The following RYR3 variants were observed in gnomAD, a reference collection of about 807,000 sequenced individuals.
RYR3 encodes the protein brain ryanodine receptor-calcium release channel.
RYR3 carries 207 observed loss-of-function variants against 584.3 expected under a neutral mutation model. The observed-to-expected ratio is 0.35, with a 90% CI of 0.32 to 0.40. The LOEUF (loss-of-function observed/expected upper bound fraction) is 0.40. Among genes scored for constraint, RYR3 ranks in the 10% least tolerant of loss-of-function variants. RYR3 has a pLI of 1.00. For missense variants in RYR3, 5,616 were observed against 6,089.2 expected, an observed-to-expected ratio of 0.92 and a Z score of 2.59; for synonymous variants, 2,416 against 2,248.5, an observed-to-expected ratio of 1.07 and a Z score of -2.11.
chr15:33,651,743 C>A (rs1053757170), intron 31 of RYR3, among the ~76,000 whole-genome samples: 14 of 152,218 alleles, frequency 9.2e-5, no homozygotes, highest in African/African-American at 3.4e-4. Flanking sequence ...TCACATCAGA[C>A]TGACCCTAAG....
intron 18 of RYR3, 25 bp from the exon 19 acceptor site, chr15:33,613,158 C>T: frequency 6.3e-7 from 1 of 1,599,852 alleles, no homozygotes; most frequent in South Asian, 1.1e-5. Flanking sequence ...GTTCCACAGC[C>T]TTCTTCCTGT....
At chr15:33,672,345 G>T (rs774809463) in intron 38 of RYR3, among the ~76,000 whole-genome samples, 10 of 152,120 alleles carry the variant, frequency 6.6e-5, no homozygotes, top group Non-Finnish European at 1.3e-4. Flanking sequence ...GTCTGTCTTG[G>T]CAAAACACGC....
chr15:33,425,558 C>T (rs2044546094), intron 1 of RYR3, among the ~76,000 whole-genome samples: 2 of 152,022 alleles, frequency 1.3e-5, no homozygotes, highest in Admixed American at 1.3e-4. Flanking sequence ...AACAAAATAA[C>T]CCTGTGTTGT....
At chr15:33,427,987 G>T (rs1254675263) in intron 1 of RYR3, among the ~76,000 whole-genome samples, 1 of 152,206 alleles carries the variant, frequency 6.6e-6, no homozygotes, top group African/African-American at 2.4e-5. Context: ...CAGAAACGGA[G>T]ATCTCTCTGA....
At chr15:33,773,255 G>A (rs2073739246) in intron 63 of RYR3, among the ~76,000 whole-genome samples, 1 of 152,198 alleles carries the variant, frequency 6.6e-6, no homozygotes, top group South Asian at 2.1e-4. Context: ...AGGACCCATT[G>A]GTCAAATGAT....
intron 67 of RYR3, among the ~76,000 whole-genome samples, chr15:33,790,411 A>G (rs1175801224): frequency 6.6e-6 from 1 of 152,202 alleles, no homozygotes; most frequent in Non-Finnish European, 1.5e-5. Flanking sequence ...TTTTGAAGGT[A>G]GAGCCCTTGG....
At chr15:33,657,958 A>C (rs909161306) in intron 32 of RYR3, among the ~76,000 whole-genome samples, 6 of 152,368 alleles carry the variant, frequency 3.9e-5, no homozygotes, top group African/African-American at 1.4e-4. Context: ...TTATGTCTAA[A>C]TACATTGAGG....
At position 33,663,616 on chromosome 15, in the gene RYR3, A is replaced by T; in HGVS notation, c.5498A>T (p.Tyr1833Phe). 10 of 1,613,520 alleles carry T rather than the reference A, an allele frequency of 6.2e-6. No homozygotes were observed. Among genetic ancestry groups the T allele is most frequent in the Non-Finnish European group, 7.6e-6 (9 of 1,179,776 alleles). Residue 1833 changes from tyrosine to phenylalanine, a missense_variant, in exon 36 of 104, where the codon TAT becomes TTT. Tyr to Phe is a conservative substitution (Grantham distance 22). Transcript: ENST00000634891. The part of the protein sequence containing the change: ...VEAIVAFGDI[Y>F]VSKLQANQKF... ...GCCATTGTGGCATTTGGTGACATTT[A>T]TGTCTCCAAGCTGCAGGCAAATCAG... is the stretch of plus-strand genomic sequence containing the variant.
intron 38 of RYR3, among the ~76,000 whole-genome samples, chr15:33,674,828 G>A (rs933772811): frequency 2.7e-5 from 4 of 150,414 alleles, no homozygotes; most frequent in South Asian, 2.1e-4. Context: ...AAAGGCCCAT[G>A]TGCAGCAAAG....
chr15:33,344,136 C>T (rs1287832025), intron 1 of RYR3, among the ~76,000 whole-genome samples: 1 of 152,180 alleles, frequency 6.6e-6, no homozygotes. Flanking sequence ...TGCAATCTGT[C>T]TGTACTAGCC....
chr15:33,357,816 G>A (rs770533465), intron 1 of RYR3, among the ~76,000 whole-genome samples: 6 of 151,908 alleles, frequency 3.9e-5, no homozygotes, highest in South Asian at 2.1e-4. Context: ...CCCCAGCACC[G>A]CCCCCAGCAG....
At chr15:33,411,693 C>T (rs901472561) in intron 1 of RYR3, among the ~76,000 whole-genome samples, 4 of 152,218 alleles carry the variant, frequency 2.6e-5, no homozygotes, top group Non-Finnish European at 4.4e-5. Flanking sequence ...TGACTGCCCA[C>T]ACACAAAAAT....
chr15:33,319,427 C>A lies in RYR3; in HGVS notation c.51+8331C>A, dbSNP rs145585767. Among the ~76,000 whole-genome samples the A allele has an allele frequency of 3.6e-3, 546 of 152,282 alleles. 1 individual carries two copies. The highest frequency in any genetic ancestry group is 0.012 in the African/African-American group (518 of 41,546). ...CACCCAGGACACTTGGCTATTGTTC[C>A]AATTTAGGACAGTGGTTTTCCTCCA... On this transcript the variant is annotated intron_variant, in intron 1 of 103. Transcript: ENST00000634891.
Position 33,813,451 on chromosome 15 carries a change from T to G in RYR3, c.10390-16T>G. ...GATCAGCCTAATGTGCACCAACCGA[T>G]GTGATCTCTTCTCAGGTGGAACAGC... On this transcript the variant is annotated splice_polypyrimidine_tract_variant and intron_variant, in intron 73 of 103. Transcript: ENST00000634891. 6.2e-7 allele frequency: 1 copy of G among 1,604,064 alleles called. No individual in the cohort carries two copies. The highest frequency in any genetic ancestry group is 8.5e-7 in the Non-Finnish European group (1 of 1,171,398).
chr15:33,448,762 T>C (rs933334360), intron 1 of RYR3, among the ~76,000 whole-genome samples: 1 of 152,150 alleles, frequency 6.6e-6, no homozygotes, highest in African/African-American at 2.4e-5. Context: ...AAGCGGATTC[T>C]GGCCTCATTA....
chr15:33,818,737 C>A, intron 76 of RYR3, 53 bp downstream of exon 76: 1 of 1,274,852 alleles, frequency 7.8e-7, no homozygotes, highest in Admixed American at 1.9e-5. Flanking sequence ...TACTTGTGTC[C>A]ACTCCTGACC....
intron 65 of RYR3, among the ~76,000 whole-genome samples, chr15:33,782,992 T>C (rs1489130656): frequency 6.6e-6 from 1 of 152,206 alleles, no homozygotes. Context: ...TTTTCTTCTG[T>C]ACCCTATTGG....
chr15:33,320,024 C>T (rs930346755), intron 1 of RYR3, among the ~76,000 whole-genome samples: 2 of 152,086 alleles, frequency 1.3e-5, no homozygotes, highest in African/African-American at 4.8e-5. Context: ...TCTGTACGTT[C>T]AAATAAAAAA....
chr15:33,448,207 C>G (rs936657296), intron 1 of RYR3, among the ~76,000 whole-genome samples: 1 of 152,188 alleles, frequency 6.6e-6, no homozygotes, highest in African/African-American at 2.4e-5. Context: ...AGCAGCCCCT[C>G]TCAAGAAAGC....
Sources: allele counts gnomAD v4.1 joint callset (sites outside exome capture counted in the v4.1 genomes callset), GRCh38; gene constraint gnomAD v4.1.1; transcripts MANE v1.5; gene names NCBI Gene and HGNC (gene_info 2026-07-23, HGNC 2026-07-21).